SNX25: variants seen among roughly 807,000 people sequenced by gnomAD.
SNX25 encodes the protein sorting nexin-25.
SNX25 carries 62 observed loss-of-function variants against 113.7 expected under a neutral mutation model. The ratio of observed to expected loss-of-function variants is 0.55; its 90% CI spans 0.44 to 0.67. The LOEUF is 0.67. SNX25 is among the 30% of genes least tolerant of loss of function. The pLI is 0.00. For missense variants in SNX25, 1,014 were observed against 1,161.0 expected, an observed-to-expected ratio of 0.87 and a Z score of 1.84; for synonymous variants, 421 against 436.2, an observed-to-expected ratio of 0.97 and a Z score of 0.43.
At chr4:185,222,180 G>A (rs1221014574) in intron 1 of SNX25, among the ~76,000 whole-genome samples, 3 of 150,446 alleles carry the variant, frequency 2.0e-5, no homozygotes, top group East Asian at 3.9e-4. Flanking sequence ...CCTCCTTCAT[G>A]GTAGGTATTC....
chr4:185,292,832 T>C, intron 6 of SNX25, among the ~76,000 whole-genome samples: 1 of 152,186 alleles, frequency 6.6e-6, no homozygotes, highest in Admixed American at 6.5e-5. Flanking sequence ...GGAGGATTGC[T>C]TGAGCCCAGG....
At chr4:185,328,426 A>G (rs1219285489) in intron 9 of SNX25, among the ~76,000 whole-genome samples, 1 of 152,160 alleles carries the variant, frequency 6.6e-6, no homozygotes, top group Non-Finnish European at 1.5e-5. Context: ...GGTCTTTCAT[A>G]CGTGCACCAA....
chr4:185,371,482 CA>C (rs1367156525), downstream of SNX25, among the ~76,000 whole-genome samples: 1 of 143,246 alleles, frequency 7.0e-6, no homozygotes, highest in East Asian at 2.1e-4. Flanking sequence ...GCAGAGCTTG[CA>C]GTGAGCCGAG....
At chr4:185,288,625 G>GTA (rs556736409) in intron 6 of SNX25, among the ~76,000 whole-genome samples, 33 of 149,182 alleles carry the variant, frequency 2.2e-4, no homozygotes, top group Non-Finnish European at 4.2e-4. Flanking sequence ...GGGGGGTGGT[G>GTA]TATATATATA....
At chr4:185,252,045 A>G (rs781030393) in intron 2 of SNX25, among the ~76,000 whole-genome samples, 68 of 152,042 alleles carry the variant, frequency 4.5e-4, no homozygotes, top group Non-Finnish European at 8.8e-4. Context: ...TTTCAGGGAA[A>G]AGCTGCTGAA....
At chr4:185,342,349 C>A (rs531659850) in intron 12 of SNX25, among the ~76,000 whole-genome samples, 1 of 152,308 alleles carries the variant, frequency 6.6e-6, no homozygotes, top group East Asian at 1.9e-4. Flanking sequence ...AACCCTAGAG[C>A]TGGAAGAGAC....
At chr4:185,244,032 A>G (rs1473578801) in intron 1 of SNX25, among the ~76,000 whole-genome samples, 3 of 151,896 alleles carry the variant, frequency 2.0e-5, no homozygotes, top group Non-Finnish European at 4.4e-5. Flanking sequence ...GTGTCTTGCT[A>G]TGTTGCCCAG....
the SNX25 span, chr4:185,378,381 C>G: frequency 7.2e-7 from 1 of 1,394,840 alleles, no homozygotes; most frequent in South Asian, 1.7e-5. Context: ...ACACCAAGAC[C>G]CTCCTCCCTA....
intron 2 of SNX25, among the ~76,000 whole-genome samples, chr4:185,250,149 T>A (rs1422176512): frequency 6.6e-6 from 1 of 152,250 alleles, no homozygotes; most frequent in East Asian, 1.9e-4. Context: ...ATACATTTTC[T>A]GAGGATGGAT....
rs199747541 is a variant in SNX25, at chr4:185,346,587, T to G, written c.2238T>G (p.Pro746=). 1.9e-6 allele frequency: 3 copies of G among 1,598,148 alleles called. No individual in the cohort carries two copies. Among genetic ancestry groups the G allele is most frequent in the Non-Finnish European group, 2.6e-6 (3 of 1,175,862 alleles). ...AGTTGCCTTCTCTTAGCAAGCTGCC[T>G]TTCAAATCTATAGATCAAAAGTTTA... ...KVQLPSLSKL[P]FKSIDQKFME... The change falls in exon 13 of 19, where the codon CCT becomes CCG. Residue 746 remains proline, a synonymous_variant. Coordinates refer to ENST00000652585, the MANE Select transcript of SNX25 (RefSeq NM_001378034.2).
chr4:185,218,236 C>T (rs1739200624), intron 1 of SNX25, among the ~76,000 whole-genome samples: 1 of 152,220 alleles, frequency 6.6e-6, no homozygotes, highest in African/African-American at 2.4e-5. Flanking sequence ...AGGCGCCCGC[C>T]ATCAAGCCTG....
At chr4:185,220,736 TC>T (rs1739694123) in intron 1 of SNX25, among the ~76,000 whole-genome samples, 2 of 152,284 alleles carry the variant, frequency 1.3e-5, no homozygotes, top group African/African-American at 4.8e-5. Flanking sequence ...CACCTCGGCC[TC>T]CCAAAGTGCT....
At chr4:185,285,713 T>G (rs1462555255) in intron 5 of SNX25, among the ~76,000 whole-genome samples, 2 of 152,190 alleles carry the variant, frequency 1.3e-5, no homozygotes, top group Non-Finnish European at 2.9e-5. Flanking sequence ...TGATGGTTCA[T>G]GATGTAATTG....
chr4:185,374,036 G>T (rs192361567), downstream of SNX25: 2 of 940,756 alleles, frequency 2.1e-6, no homozygotes, highest in Non-Finnish European at 3.3e-6. Context: ...AACTATAAGA[G>T]ATATTTAAAA....
chr4:185,254,495 G>A (rs1579490856), intron 2 of SNX25, among the ~76,000 whole-genome samples: 2 of 152,266 alleles, frequency 1.3e-5, no homozygotes, highest in East Asian at 3.9e-4. Context: ...CAGGGGAAAA[G>A]ACAAGGGTGG....
At chr4:185,327,323 C>T (rs2095163565) in intron 9 of SNX25, among the ~76,000 whole-genome samples, 1 of 152,174 alleles carries the variant, frequency 6.6e-6, no homozygotes, top group Non-Finnish European at 1.5e-5. Context: ...GGTTGTACAG[C>T]TAAGAGTTAT....
intron 5 of SNX25, among the ~76,000 whole-genome samples, chr4:185,277,621 A>C (rs1342132003): frequency 6.6e-6 from 1 of 152,140 alleles, no homozygotes; most frequent in Non-Finnish European, 1.5e-5. Context: ...TATTTCCAAA[A>C]TACTGACATA....
At chr4:185,373,331 C>A (rs1205614294), downstream of SNX25, among the ~76,000 whole-genome samples, 1 of 152,186 alleles carries the variant, frequency 6.6e-6, no homozygotes, top group Non-Finnish European at 1.5e-5. Context: ...GGAAGACCAG[C>A]TGTCCTAGGT....
chr4:185,328,735 A>C (rs531406172), intron 9 of SNX25, among the ~76,000 whole-genome samples: 1 of 152,192 alleles, frequency 6.6e-6, no homozygotes, highest in Non-Finnish European at 1.5e-5. Flanking sequence ...CAAATCAAAC[A>C]TGGAGAAAGG....
Sources: gnomAD v4.1 joint callset for allele counts (sites outside exome capture counted in the v4.1 genomes callset) on GRCh38, gnomAD v4.1.1 for gene constraint, MANE v1.5 for transcripts, NCBI Gene and HGNC (gene_info 2026-07-23, HGNC 2026-07-21) for gene names.